The following LTN1 variants were observed in gnomAD, a reference collection of about 807,000 sequenced individuals.
The protein encoded by LTN1 is listerin E3 ubiquitin protein ligase 1, also known as E3 ubiquitin-protein ligase listerin.
Under a neutral mutation model 201.2 loss-of-function variants are expected in LTN1, and 88 were observed. The ratio of observed to expected loss-of-function variants is 0.44; its 90% confidence interval spans 0.37 to 0.52. LTN1 has a LOEUF of 0.52. Ranked by LOEUF, LTN1 falls within the 20% of genes least tolerant of loss-of-function variation. The pLI is 0.00. For synonymous variants in LTN1, 645 were observed against 713.5 expected (o/e 0.90, Z 1.53); for missense variants, 1,752 against 2,038.7 (o/e 0.86, Z 2.71).
chr21:28,992,737 G>A (rs373701091), intron 1 of LTN1, 27 bp downstream of exon 1: 2 of 1,613,236 alleles, frequency 1.2e-6, no homozygotes, highest in African/African-American at 1.3e-5. Context: ...CGAGGCTCCC[G>A]GGTCGGCCGA....
rs370571254 is a variant in LTN1, at chr21:28,943,834, C to T, written c.4053G>A (p.Thr1351=). 50 of 1,613,610 alleles carry T rather than the reference C, an allele frequency of 3.1e-5. No individual in the cohort carries two copies. The highest frequency in any genetic ancestry group is 8.0e-5 in the African/African-American group (6 of 74,866). The change falls in exon 23 of 30, where the codon ACG becomes ACA. Residue 1351 remains threonine, a synonymous_variant. Transcript: ENST00000361371. ...TCAATAGCTGTTCCTTTGAGATATACGTTAATGTTTCACACATGGGTTTCA... is the reference window on the plus strand; with the variant it reads ...TCAATAGCTGTTCCTTTGAGATATATGTTAATGTTTCACACATGGGTTTCA... ...AMLKPMCETL[T]YISKEQLLSH... is the part of the protein sequence containing the mutation.
intron 1 of LTN1, among the ~76,000 whole-genome samples, chr21:28,987,297 G>A (rs1457589963): frequency 6.6e-6 from 1 of 152,126 alleles, no homozygotes; most frequent in Non-Finnish European, 1.5e-5. Flanking sequence ...CATAAATGCT[G>A]TTATGAATTT....
rs754866100 is a variant in LTN1 at position 28,956,922 on chromosome 21, T to G, written c.2919A>C (p.Gly973=). 7 of 1,606,246 alleles carry G rather than the reference T, an allele frequency of 4.4e-6. No homozygotes were observed. The Admixed American group carries it at 1.2e-4, about 27-fold the overall frequency. The change falls in exon 16 of 30, where the codon GGA becomes GGC. Residue 973 remains glycine (G), a synonymous_variant. Coordinates refer to ENST00000361371, the MANE Select transcript of LTN1 (RefSeq NM_015565.3). ...AACATTCATAATTCAAACTCAATCTTCCCTCTAAAAGAGGTCTATGTAACC... is the reference window on the plus strand; with the variant it reads ...AACATTCATAATTCAAACTCAATCTGCCCTCTAAAAGAGGTCTATGTAACC... ...MQWLHRPLLE[G]RLSLNYECFK... is the part of the protein sequence containing the mutation.
At position 28,969,517 on chromosome 21, in the gene LTN1, C is replaced by A; in HGVS notation, c.1260G>T (p.Met420Ile). The change falls in exon 9 of 30, where the codon ATG becomes ATT. Residue 420 changes from methionine to isoleucine, a missense_variant. Physicochemically the swap from Met to Ile is conservative, Grantham distance 10. Coordinates refer to ENST00000361371, the MANE Select transcript of LTN1 (RefSeq NM_015565.3). ...TCTCTTCCTCACCTAAGTTTTGCTG[C>A]ATTATAAAACGTAAGCATTCAAAAA... ...SAFFECLRFI[M>I]QQNLGEEEIE... The A allele has an allele frequency of 6.2e-7, 1 of 1,612,754 alleles. No individual in the cohort carries two copies. The highest frequency in any genetic ancestry group is 8.5e-7 in the Non-Finnish European group (1 of 1,179,332).
intron 6 of LTN1, among the ~76,000 whole-genome samples, chr21:28,976,185 G>A (rs2084613927): frequency 6.6e-6 from 1 of 152,050 alleles, no homozygotes; most frequent in East Asian, 1.9e-4. Flanking sequence ...GTAGACAGGT[G>A]TACACATCTG....
Position 28,986,324 on chromosome 21 carries a change from A to G in LTN1, c.247-87T>C. On this transcript the variant is annotated intron_variant, in intron 2 of 29. Transcript: ENST00000361371. This position sits in a 1 kb window ranked among gnomAD's most constrained non-coding sequence, Gnocchi z 4.1. ...CTGTTCTGGAAGCTTTGTCTATTTT[A>G]TGTAATAGGAGAATACACTATTTCT... 1.2e-6 allele frequency: 1 copy of G among 815,360 alleles called. No individual in the cohort carries two copies. 50.5% of individuals were successfully genotyped at this position (815,360 alleles called of 1,614,324 possible).
At chr21:28,934,771 T>G (rs2084240557) in intron 27 of LTN1, among the ~76,000 whole-genome samples, 1 of 152,170 alleles carries the variant, frequency 6.6e-6, no homozygotes, top group African/African-American at 2.4e-5. Context: ...CCTCTTTTCT[T>G]TATAAATTAC....
Position 28,953,393 on chromosome 21 carries a change from C to T in LTN1, c.3080-17G>A, listed in dbSNP as rs373702176. 68 of 1,559,206 alleles carry T rather than the reference C, an allele frequency of 4.4e-5. No individual in the cohort carries two copies. The highest frequency in any genetic ancestry group is 5.9e-5 in the Non-Finnish European group (68 of 1,161,130). ...GTTCTGCAACTAAAAGAAGAGACAG[C>T]ACCAAATTATGAAAAGCACTCTGTG... On this transcript the variant is annotated splice_polypyrimidine_tract_variant and intron_variant, in intron 16 of 29. Transcript: ENST00000361371.
In LTN1 at chr21:28,969,459, T is replaced by C; in HGVS notation, c.1311+7A>G. 6.2e-7 allele frequency: 1 copy of C among 1,606,976 alleles called. No homozygotes were observed. The highest frequency in any genetic ancestry group is 8.5e-7 in the Non-Finnish European group (1 of 1,178,008). On this transcript the variant is annotated splice_region_variant and intron_variant, in intron 9 of 29. Transcript: ENST00000361371. ...AAAGAGACTGACGACTTTTACATTA[T>C]AGATACCTGATCATTGACGAGCATC...
intron 18 of LTN1, among the ~76,000 whole-genome samples, 179 bp from the exon 19 acceptor site, chr21:28,947,785 C>CATAAAT (rs987674349): frequency 5.3e-5 from 8 of 150,588 alleles, no homozygotes; most frequent in Non-Finnish European, 8.9e-5. Context: ...GTTTTTTTTG[C>CATAAAT]TCCTTTTCTC....
At chr21:28,947,972 C>G (rs2084352310) in intron 18 of LTN1, among the ~76,000 whole-genome samples, 1 of 150,944 alleles carries the variant, frequency 6.6e-6, no homozygotes, top group Non-Finnish European at 1.5e-5. Context: ...GAGGGCAGAT[C>G]ATGAGGTCAG....
chr21:28,943,235 A>G, intron 24 of LTN1, 27 bp downstream of exon 24: 1 of 1,435,344 alleles, frequency 7.0e-7, no homozygotes. Context: ...AGAATTTAAT[A>G]AAACAAATTA....
rs567739167 is a variant in LTN1 at position 28,970,363 on chromosome 21, T to A, written c.1175+189A>T. Among the ~76,000 whole-genome samples, 4 of 152,348 alleles carry A rather than the reference T, an allele frequency of 2.6e-5. No individual in the cohort carries two copies. The South Asian group carries it at 6.2e-4, about 24-fold the overall frequency. On this transcript the variant is annotated intron_variant, in intron 8 of 29. Transcript: ENST00000361371. ...GGAGCTTTACCTTATTTATCTAACT[T>A]CCTGCTGTGTGCTACCACTGAAGTC... is the stretch of plus-strand genomic sequence containing the variant.
rs1201103849 is a variant in LTN1 at position 28,936,589 on chromosome 21, C to T, written c.4591G>A (p.Val1531Ile). 6.2e-7 allele frequency: 1 copy of T among 1,613,872 alleles called. No individual in the cohort carries two copies. Among genetic ancestry groups the T allele is most frequent in the African/African-American group, 1.3e-5 (1 of 75,034 alleles). Residue 1531 changes from valine to isoleucine, a missense_variant, in exon 26 of 30, where the codon GTT becomes ATT. Val to Ile is a conservative substitution (Grantham distance 29, BLOSUM62 3). Coordinates refer to ENST00000361371, the MANE Select transcript of LTN1 (RefSeq NM_015565.3). The stretch of plus-strand genomic sequence containing the variant: ...TTAGGGTCCTTATTTGGGACCTCAA[C>T]TGCTGTCTCTGCATAGGTTGGATTT... The part of the protein sequence containing the change: ...PENPTYAETA[V>I]EVPNKDPKTF...
intron 9 of LTN1, 91 bp from the exon 10 acceptor site, chr21:28,967,270 AAGTGATAT>A: frequency 1.1e-6 from 1 of 888,532 alleles, no homozygotes. Context: ...GGAATCTCCA[AAGTGATAT>A]CATTTCATAA....
chr21:28,952,100 G>A (rs2146279260), intron 18 of LTN1, 60 bp downstream of exon 18: 3 of 883,304 alleles, frequency 3.4e-6, no homozygotes, highest in South Asian at 1.7e-5. Flanking sequence ...ATTAATTAGG[G>A]GTTGCCAAAG....
At chr21:28,934,883 G>C (rs1261557560) in intron 27 of LTN1, among the ~76,000 whole-genome samples, 1 of 152,090 alleles carries the variant, frequency 6.6e-6, no homozygotes, top group East Asian at 1.9e-4. Flanking sequence ...GTTGAGATTT[G>C]ACACACAAAT....
chr21:28,972,824 C>T (rs2084585683), intron 6 of LTN1, among the ~76,000 whole-genome samples: 1 of 152,048 alleles, frequency 6.6e-6, no homozygotes, highest in Non-Finnish European at 1.5e-5. Context: ...TCCAACAAAT[C>T]CCAAGCAGGA....
At chr21:28,932,383 G>T in intron 28 of LTN1, 87 bp downstream of exon 28, 1 of 1,063,314 alleles carries the variant, frequency 9.4e-7, no homozygotes, top group Non-Finnish European at 1.4e-6. Flanking sequence ...ATCTTAAGCA[G>T]AAAAGATATA....
Sources: allele counts gnomAD v4.1 joint callset (sites outside exome capture counted in the v4.1 genomes callset), GRCh38; gene constraint gnomAD v4.1.1; non-coding constraint Gnocchi (gnomAD v3.1); transcripts MANE v1.5; gene names NCBI Gene and HGNC (gene_info 2026-07-23, HGNC 2026-07-21).